CSMD1: variants seen among roughly 807,000 people sequenced by gnomAD.
CSMD1 encodes the protein CUB and sushi domain-containing protein 1.
CSMD1 carries 213 observed loss-of-function variants against 417.5 expected under a neutral mutation model. The ratio of observed to expected loss-of-function variants is 0.51; its 90% confidence interval spans 0.46 to 0.57. CSMD1 has a LOEUF of 0.57. Among genes scored for constraint, CSMD1 ranks in the 20% least tolerant of loss-of-function variants. The pLI is 0.00. For synonymous variants in CSMD1, 2,862 were observed against 1,736.8 expected, an observed-to-expected ratio of 1.65 and a Z score of -16.11; for missense variants, 6,923 against 4,529.7, an observed-to-expected ratio of 1.53 and a Z score of -15.17.
intron 3 of CSMD1, among the ~76,000 whole-genome samples, chr8:4,418,959 T>C (rs1224088929): frequency 4.6e-5 from 7 of 152,194 alleles, no homozygotes; most frequent in Admixed American, 2.0e-4. Context: ...TTCCTATGTC[T>C]CTGCAAAGAG....
intron 3 of CSMD1, among the ~76,000 whole-genome samples, chr8:4,283,908 G>C (rs1264422245): frequency 6.6e-6 from 1 of 152,142 alleles, no homozygotes; most frequent in Admixed American, 6.6e-5. Context: ...TTTCATCCTA[G>C]AATGTTTGCA....
Position 3,493,813 on chromosome 8 carries a change from T to C in CSMD1, c.1345-87A>G, listed in dbSNP as rs1230495263. On this transcript the variant is annotated intron_variant, in intron 10 of 69. Coordinates refer to ENST00000635120, the MANE Select transcript of CSMD1 (RefSeq NM_033225.6). The stretch of plus-strand genomic sequence containing the variant: ...GTATTGCAAATATCTAGTTATACTG[T>C]TAAATTTTGCTCCTTAATGCCAATG... 8 of 1,167,770 alleles carry C rather than the reference T, an allele frequency of 6.9e-6. No homozygotes were observed. The East Asian group carries it at 7.9e-5, about 12-fold the overall frequency. 72.3% of individuals were successfully genotyped at this position (1,167,770 alleles called of 1,614,324 possible).
At chr8:3,481,154 C>CAAAAAAA (rs1221192557) in intron 11 of CSMD1, among the ~76,000 whole-genome samples, 2 of 69,436 alleles carry the variant, frequency 2.9e-5, no homozygotes, top group East Asian at 5.5e-4. Context: ...GACTCCATCT[C>CAAAAAAA]AAAAAAAAAA....
intron 11 of CSMD1, among the ~76,000 whole-genome samples, chr8:3,481,014 G>A (rs1817712423): frequency 6.6e-6 from 1 of 151,746 alleles, no homozygotes; most frequent in Non-Finnish European, 1.5e-5. Flanking sequence ...AAATTAGCCA[G>A]GCGTGGTGGC....
chr8:4,264,143 T>C (rs925899536), intron 3 of CSMD1, among the ~76,000 whole-genome samples: 1 of 152,198 alleles, frequency 6.6e-6, no homozygotes, highest in Non-Finnish European at 1.5e-5. Flanking sequence ...ATACAACACC[T>C]ACTACTCAGC....
At chr8:3,838,189 G>A (rs937569357) in intron 5 of CSMD1, among the ~76,000 whole-genome samples, 3 of 152,020 alleles carry the variant, frequency 2.0e-5, no homozygotes, top group African/African-American at 4.8e-5. Flanking sequence ...CACAGACCCT[G>A]CCTTCCTATG....
chr8:4,612,639 AC>A (rs1259317762), intron 2 of CSMD1, among the ~76,000 whole-genome samples: 1 of 152,128 alleles, frequency 6.6e-6, no homozygotes, highest in Admixed American at 6.5e-5. Flanking sequence ...CACTCAGGGG[AC>A]CCATCAGCCT....
rs182470634 is a variant in CSMD1, at chr8:4,146,275, G to A, written c.416-114176C>T. On this transcript the variant is annotated intron_variant, in intron 3 of 69. Transcript: ENST00000635120. ...TCATCCACTCGAGGCAGTAATTCGC[G>A]TAGTGCAGTCGGCACAGTGCCATAG... 5.7e-4 allele frequency among the ~76,000 whole-genome samples: 86 copies of A among 151,080 alleles called. 4 individuals are homozygous for A. The highest frequency in any genetic ancestry group is 2.0e-3 in the African/African-American group (80 of 40,448).
intron 1 of CSMD1, among the ~76,000 whole-genome samples, chr8:4,813,585 T>C (rs1260877095): frequency 1.3e-5 from 2 of 152,172 alleles, no homozygotes; most frequent in Non-Finnish European, 2.9e-5. Flanking sequence ...TTCATCAAAG[T>C]TCAAATCTCT....
At chr8:3,872,679 T>G (rs1026104769) in intron 5 of CSMD1, among the ~76,000 whole-genome samples, 5 of 152,166 alleles carry the variant, frequency 3.3e-5, no homozygotes, top group Admixed American at 2.6e-4. Flanking sequence ...CCTTCATTCA[T>G]GAAGAGCCTC....
At chr8:4,471,587 G>T (rs11783613) in intron 2 of CSMD1, among the ~76,000 whole-genome samples, 10,730 of 152,010 alleles carry the variant, frequency 0.071, 675 homozygotes, top group East Asian at 0.23. Context: ...TTAGAGAGAG[G>T]TGCAGGGAGA....
chr8:3,650,978 T>C (rs1013841274), intron 7 of CSMD1, among the ~76,000 whole-genome samples: 1 of 152,206 alleles, frequency 6.6e-6, no homozygotes, highest in Non-Finnish European at 1.5e-5. Flanking sequence ...GTAAACACCT[T>C]TATCTTTTAG....
At chr8:3,638,188 C>G (rs1240318685) in intron 7 of CSMD1, among the ~76,000 whole-genome samples, 1 of 152,078 alleles carries the variant, frequency 6.6e-6, no homozygotes, top group Non-Finnish European at 1.5e-5. Flanking sequence ...ACTTCAAACC[C>G]AGTTCAGCAA....
At chr8:3,149,986 G>A (rs1471306820) in intron 40 of CSMD1, among the ~76,000 whole-genome samples, 1 of 152,146 alleles carries the variant, frequency 6.6e-6, no homozygotes, top group Non-Finnish European at 1.5e-5. Flanking sequence ...ACATACCTCT[G>A]AAAGAATTCT....
intron 1 of CSMD1, among the ~76,000 whole-genome samples, chr8:4,732,632 C>T (rs761104087): frequency 2.7e-4 from 41 of 152,050 alleles, no homozygotes; most frequent in Non-Finnish European, 4.9e-4. Context: ...AATCAAGGCC[C>T]CTGGGAATCG....
intron 2 of CSMD1, among the ~76,000 whole-genome samples, chr8:4,547,968 T>C (rs1027240939): frequency 1.3e-5 from 2 of 152,150 alleles, no homozygotes; most frequent in Admixed American, 1.3e-4. Flanking sequence ...GGTAATTACA[T>C]TTATTGAGCA....
At chr8:4,265,033 T>G (rs1423651488) in intron 3 of CSMD1, among the ~76,000 whole-genome samples, 2 of 152,158 alleles carry the variant, frequency 1.3e-5, no homozygotes, top group Non-Finnish European at 2.9e-5. Context: ...TAAGTTAATG[T>G]TGCTGAGGTC....
rs369180315 is a variant in CSMD1, at chr8:3,998,052, G to C, written c.669C>G (p.His223Gln). ...CGTTGTTCTCGTACTCTGAAGGGAA[G>C]TGCGGGCTGGAGATGGAGCTGCTGG... ...RGTSSSISSP[H>Q]FPSEYENNAD... The change falls in exon 5 of 70, where the codon CAC (histidine) becomes CAG (glutamine). Residue 223 changes from histidine (H) to glutamine (Q), a missense_variant. Transcript: ENST00000635120. The C allele has an allele frequency of 3.4e-5, 55 of 1,598,472 alleles. No individual in the cohort carries two copies. The highest frequency in any genetic ancestry group is 4.4e-5 in the Non-Finnish European group (52 of 1,172,022).
intron 64 of CSMD1, 102 bp downstream of exon 64, chr8:2,955,487 G>A (rs2721286): frequency 8.9e-7 from 1 of 1,127,726 alleles, no homozygotes; most frequent in African/African-American, 1.5e-5. Flanking sequence ...GCAGCCTCAT[G>A]CTCTTACTTA....
Sources: allele counts gnomAD v4.1 joint callset (sites outside exome capture counted in the v4.1 genomes callset), GRCh38; gene constraint gnomAD v4.1.1; transcripts MANE v1.5; gene names NCBI Gene and HGNC (gene_info 2026-07-23, HGNC 2026-07-21).